RASGRF2: variants seen among roughly 807,000 people sequenced by gnomAD.
RASGRF2 encodes the protein ras-specific guanine nucleotide-releasing factor 2.
RASGRF2 carries 76 observed loss-of-function variants against 151.0 expected under a neutral mutation model. The observed-to-expected ratio is 0.50, with a 90% confidence interval of 0.42 to 0.61. The LOEUF (loss-of-function observed/expected upper bound fraction) is 0.61. Among genes scored for constraint, RASGRF2 ranks in the 20% least tolerant of loss-of-function variants. The probability of loss-of-function intolerance (pLI) is 0.00; values close to 1 mark genes in which losing one functional copy is unlikely to be tolerated. For missense variants in RASGRF2, 1,148 were observed against 1,564.6 expected (o/e 0.73, Z 4.49); for synonymous variants, 504 against 566.5 (o/e 0.89, Z 1.57).
chr5:80,960,777 G>C lies in RASGRF2; in HGVS notation c.39G>C (p.Leu13=), dbSNP rs114321099. 219 of 1,611,990 alleles carry C rather than the reference G, an allele frequency of 1.4e-4. No homozygotes were observed. The African/African-American group carries it at 2.7e-3, about 20-fold the overall frequency. The part of the protein sequence containing the change: ...KSVRYNEGHA[L]YLAFLARKEG... ...TGCGCTACAACGAGGGGCACGCCCT[G>C]TACCTGGCCTTTCTGGCGCGCAAGG... Residue 13 remains leucine (L), a synonymous_variant, in exon 1 of 27, where the codon CTG becomes CTC. Transcript: ENST00000265080. The surrounding 1 kb of genome is among the most constrained non-coding windows in gnomAD (Gnocchi z 5.5).
Position 81,172,434 on chromosome 5 carries a change from CGTGTGTGTGTGT to C in RASGRF2, c.2687-7712_2687-7701del, listed in dbSNP as rs57957668. On this transcript the variant is annotated intron_variant, in intron 17 of 26. Coordinates refer to ENST00000265080, the MANE Select transcript of RASGRF2 (RefSeq NM_006909.3). ...GCTTTCCCTCGTCTACAAGGATGTG[CGTGTGTGTGTGT>C]GTGTGTGTGTGTGTGTGTGTGTGTG... Among the ~76,000 whole-genome samples the C allele has an allele frequency of 3.6e-4, 53 of 145,610 alleles. 1 individual carries two copies. The highest frequency in any genetic ancestry group is 1.1e-3 in the South Asian group (5 of 4,382).
chr5:81,219,660 CT>C (rs776447592), intron 25 of RASGRF2, 49 bp from the exon 26 acceptor site: 1 of 1,479,002 alleles, frequency 6.8e-7, no homozygotes, highest in Non-Finnish European at 9.5e-7. Flanking sequence ...CAGGAAATAC[CT>C]TTCTTTGCTT....
intron 12 of RASGRF2, among the ~76,000 whole-genome samples, chr5:81,102,948 C>A (rs1270744608): frequency 6.6e-6 from 1 of 152,072 alleles, no homozygotes; most frequent in Non-Finnish European, 1.5e-5. Flanking sequence ...TGAGACTCAG[C>A]AGGCATGGAG....
chr5:81,144,272 T>A (rs1001841184), intron 17 of RASGRF2, among the ~76,000 whole-genome samples: 1 of 152,202 alleles, frequency 6.6e-6, no homozygotes, highest in African/African-American at 2.4e-5. Flanking sequence ...GTGGTGGAAG[T>A]CAGCACAAGT....
intron 17 of RASGRF2, among the ~76,000 whole-genome samples, chr5:81,166,149 A>T (rs538105542): frequency 6.6e-6 from 1 of 152,206 alleles, no homozygotes; most frequent in South Asian, 2.1e-4. Context: ...TACTGGGGCA[A>T]AAAGTAAAGT....
rs560791721 is a variant in RASGRF2 at position 81,148,972 on chromosome 5, C to T, written c.2686+21809C>T. On this transcript the variant is annotated intron_variant, in intron 17 of 26. Coordinates refer to ENST00000265080, the MANE Select transcript of RASGRF2 (RefSeq NM_006909.3). Reference sequence around the variant, plus strand: ...ACAAAGAGAGACCACATTACTCCTGCAAGAATGGCCATAATTTAAAAATTA... The same window carrying T: ...ACAAAGAGAGACCACATTACTCCTGTAAGAATGGCCATAATTTAAAAATTA... Among the ~76,000 whole-genome samples, 328 of 152,028 alleles carry T rather than the reference C, an allele frequency of 2.2e-3. 1 individual carries two copies. The highest frequency in any genetic ancestry group is 3.6e-3 in the Non-Finnish European group (244 of 67,966).
At chr5:81,147,806 T>A (rs1191700310) in intron 17 of RASGRF2, among the ~76,000 whole-genome samples, 1 of 152,216 alleles carries the variant, frequency 6.6e-6, no homozygotes, top group Non-Finnish European at 1.5e-5. Flanking sequence ...TGCACACAAG[T>A]TGAAATTAAT....
chr5:81,174,755 T>C (rs1168877348), intron 17 of RASGRF2, among the ~76,000 whole-genome samples: 2 of 152,204 alleles, frequency 1.3e-5, no homozygotes, highest in Admixed American at 1.3e-4. Context: ...GTGATGAGTT[T>C]GGGAAAAGAG....
chr5:81,186,162 A>G (rs1365187781), intron 18 of RASGRF2, among the ~76,000 whole-genome samples: 3 of 152,236 alleles, frequency 2.0e-5, no homozygotes, highest in Non-Finnish European at 4.4e-5. Context: ...ACTTGAGTTT[A>G]CATTTCAGTT....
chr5:81,101,866 A>G (rs955899822), intron 12 of RASGRF2, among the ~76,000 whole-genome samples: 1 of 152,202 alleles, frequency 6.6e-6, no homozygotes, highest in Non-Finnish European at 1.5e-5. Flanking sequence ...ACAATGACTC[A>G]GAAAGATTTA....
intron 1 of RASGRF2, among the ~76,000 whole-genome samples, chr5:81,004,579 A>G (rs929194939): frequency 6.6e-5 from 10 of 152,220 alleles, no homozygotes; most frequent in African/African-American, 2.2e-4. Context: ...ACTTGGTCAA[A>G]CCATTTGAAG....
chr5:81,143,591 C>A lies in RASGRF2; in HGVS notation c.2686+16428C>A, dbSNP rs565361905. Among the ~76,000 whole-genome samples, 342 of 152,152 alleles carry A rather than the reference C, an allele frequency of 2.2e-3. 1 individual carries two copies. The highest frequency in any genetic ancestry group is 3.6e-3 in the Non-Finnish European group (242 of 68,004). ...GAGTAAGCATAAAAACAAAAATTAT[C>A]ATCATATAAGATTAAAAAGGGCAGG... On this transcript the variant is annotated intron_variant, in intron 17 of 26. Coordinates refer to ENST00000265080, the MANE Select transcript of RASGRF2 (RefSeq NM_006909.3).
At chr5:80,981,799 C>G (rs879563797) in intron 1 of RASGRF2, among the ~76,000 whole-genome samples, 6 of 152,098 alleles carry the variant, frequency 3.9e-5, no homozygotes, top group Non-Finnish European at 2.9e-5. Context: ...CTCCTGGCCT[C>G]GAGTGATCCA....
At chr5:80,969,812 C>CTTTTT (rs1561531426) in intron 1 of RASGRF2, among the ~76,000 whole-genome samples, 2 of 98,914 alleles carry the variant, frequency 2.0e-5, no homozygotes, top group Admixed American at 1.2e-4. Context: ...AATACTTCTT[C>CTTTTT]TTCTTTTTTT....
At chr5:81,169,166 C>T (rs1754584138) in intron 17 of RASGRF2, among the ~76,000 whole-genome samples, 1 of 152,168 alleles carries the variant, frequency 6.6e-6, no homozygotes, top group Non-Finnish European at 1.5e-5. Context: ...TCTTGATTTC[C>T]TCCCTCAAAC....
intron 13 of RASGRF2, among the ~76,000 whole-genome samples, chr5:81,111,258 C>T (rs1014705062): frequency 2.0e-5 from 3 of 152,136 alleles, no homozygotes; most frequent in East Asian, 1.9e-4. Context: ...CTTCATTGAT[C>T]GCCGGTCCTG....
At chr5:81,112,123 T>G (rs1333718349) in intron 13 of RASGRF2, among the ~76,000 whole-genome samples, 2 of 152,154 alleles carry the variant, frequency 1.3e-5, no homozygotes, top group Non-Finnish European at 2.9e-5. Flanking sequence ...AACTTGATAT[T>G]TTCATAGCCC....
chr5:81,096,451 G>T, intron 12 of RASGRF2: 1 of 152,276 alleles, frequency 6.6e-6, no homozygotes, highest in Non-Finnish European at 1.5e-5. Context: ...TTGCTCTCAG[G>T]GAGAATAGGC....
chr5:81,025,802 G>A (rs1247699673), intron 1 of RASGRF2, among the ~76,000 whole-genome samples: 1 of 152,138 alleles, frequency 6.6e-6, no homozygotes, highest in Non-Finnish European at 1.5e-5. Context: ...GGGGGCCACT[G>A]GAGGGAAAGG....
Sources: allele counts gnomAD v4.1 joint callset (sites outside exome capture counted in the v4.1 genomes callset), GRCh38; gene constraint gnomAD v4.1.1; non-coding constraint Gnocchi (gnomAD v3.1); transcripts MANE v1.5; gene names NCBI Gene and HGNC (gene_info 2026-07-23, HGNC 2026-07-21).